ZNF366: variants seen among roughly 807,000 people sequenced by gnomAD.
ZNF366 encodes zinc finger protein 366.
A neutral mutation model predicts 47.2 loss-of-function variants in ZNF366; 20 were observed. The ratio of observed to expected loss-of-function variants is 0.42; its 90% confidence interval spans 0.30 to 0.62. ZNF366 has a LOEUF of 0.62. ZNF366 is among the 20% of genes least tolerant of loss of function. ZNF366 has a pLI of 0.16. For synonymous variants in ZNF366, 421 were observed against 395.1 expected, an observed-to-expected ratio of 1.07 and a Z score of -0.78; for missense variants, 987 against 976.3, an observed-to-expected ratio of 1.01 and a Z score of -0.15.
At chr5:72,487,113 T>C (rs1021169526) in intron 1 of ZNF366, among the ~76,000 whole-genome samples, 1 of 152,212 alleles carries the variant, frequency 6.6e-6, no homozygotes, top group Non-Finnish European at 1.5e-5. Flanking sequence ...ATTAGGTTCT[T>C]TCTGTCATGA....
At chr5:72,453,390 T>C (rs955822754) in intron 3 of ZNF366, among the ~76,000 whole-genome samples, 1 of 152,222 alleles carries the variant, frequency 6.6e-6, no homozygotes, top group Non-Finnish European at 1.5e-5. Context: ...TTCAGTTGCC[T>C]GGCTTGTACT....
intron 1 of ZNF366, among the ~76,000 whole-genome samples, chr5:72,487,459 C>A (rs1311583352): frequency 6.6e-6 from 1 of 152,170 alleles, no homozygotes; most frequent in Non-Finnish European, 1.5e-5. Flanking sequence ...TAATTTGATT[C>A]CAAGTCATTT....
chr5:72,442,713 T>C lies in ZNF366; in HGVS notation c.*1043A>G, dbSNP rs1426259432. 1 of 146,774 alleles carries C rather than the reference T, an allele frequency of 6.8e-6. No individual in the cohort carries two copies. Among genetic ancestry groups the C allele is most frequent in the African/African-American group, 2.5e-5 (1 of 39,432 alleles). 9.1% of individuals were successfully genotyped at this position (146,774 alleles called of 1,614,324 possible). On this transcript the variant is annotated 3_prime_UTR_variant, in exon 5 of 5. Transcript: ENST00000318442. ...CTCTGTCACCCAGGCTGTAGTGCAG[T>C]AGCGTGATCTCAGCTCAGCTCACTG... is the stretch of plus-strand genomic sequence containing the variant.
At chr5:72,459,828 C>T (rs1164623528) in intron 2 of ZNF366, among the ~76,000 whole-genome samples, 1 of 152,172 alleles carries the variant, frequency 6.6e-6, no homozygotes, top group East Asian at 1.9e-4. Context: ...CATGCTAGTG[C>T]CTTGGATGAA....
At chr5:72,449,734 T>C (rs1479041777) in intron 3 of ZNF366, among the ~76,000 whole-genome samples, 1 of 152,232 alleles carries the variant, frequency 6.6e-6, no homozygotes, top group Non-Finnish European at 1.5e-5. Flanking sequence ...CATTAAAGCT[T>C]TGCCTGCTTT....
At chr5:72,454,939 AG>A (rs1743148788) in intron 3 of ZNF366, among the ~76,000 whole-genome samples, 1 of 152,046 alleles carries the variant, frequency 6.6e-6, no homozygotes, top group Admixed American at 6.5e-5. Flanking sequence ...TCCCATAGTC[AG>A]AAAGCTCCTG....
chr5:72,488,217 A>C (rs977955300), intron 1 of ZNF366, among the ~76,000 whole-genome samples: 4 of 151,896 alleles, frequency 2.6e-5, no homozygotes, highest in South Asian at 2.1e-4. Flanking sequence ...TCTGAAAGAA[A>C]AAAAAAAAAA....
At chr5:72,458,261 C>A (rs951669809) in intron 2 of ZNF366, among the ~76,000 whole-genome samples, 3 of 152,068 alleles carry the variant, frequency 2.0e-5, no homozygotes, top group Non-Finnish European at 4.4e-5. Flanking sequence ...TGTGATCCGC[C>A]CGTCTCGGCC....
At chr5:72,447,122 C>G in intron 4 of ZNF366, 121 bp downstream of exon 4, 3 of 1,117,644 alleles carry the variant, frequency 2.7e-6, no homozygotes, top group South Asian at 1.6e-5. Flanking sequence ...TAAGGTTACT[C>G]TTGCTACTCT....
chr5:72,454,279 T>C (rs1743136579), intron 3 of ZNF366, among the ~76,000 whole-genome samples: 1 of 152,190 alleles, frequency 6.6e-6, no homozygotes, highest in African/African-American at 2.4e-5. Context: ...GCCCTGAACA[T>C]CAAGCTGGGA....
At chr5:72,478,939 T>A (rs1404735994) in intron 1 of ZNF366, among the ~76,000 whole-genome samples, 1 of 152,226 alleles carries the variant, frequency 6.6e-6, no homozygotes, top group Admixed American at 6.5e-5. Flanking sequence ...CTCACATAAA[T>A]GACTCTTATA....
At chr5:72,459,316 G>C (rs1743254352) in intron 2 of ZNF366, among the ~76,000 whole-genome samples, 1 of 152,324 alleles carries the variant, frequency 6.6e-6, no homozygotes, top group Non-Finnish European at 1.5e-5. Flanking sequence ...TTGAGGTTAA[G>C]GGTGTGAGAG....
rs150265678 is a variant in ZNF366 at position 72,485,258 on chromosome 5, A to G, written c.-15+21993T>C. On this transcript the variant is annotated intron_variant, in intron 1 of 4. Transcript: ENST00000318442. ...ATTCACTTAATGTCTGACTCTCTCC[A>G]TACTGTTTGCTCCATGAGGTCAGGG... Among the ~76,000 whole-genome samples, 487 of 152,304 alleles carry G rather than the reference A, an allele frequency of 3.2e-3. 3 individuals are homozygous for G. Among genetic ancestry groups the G allele is most frequent in the African/African-American group, 0.011 (472 of 41,556 alleles).
chr5:72,467,199 A>G (rs1419171918), intron 1 of ZNF366, among the ~76,000 whole-genome samples: 1 of 152,258 alleles, frequency 6.6e-6, no homozygotes, highest in Non-Finnish European at 1.5e-5. Context: ...GCTTTCTACA[A>G]TGCATCACCC....
chr5:72,441,222 C>A lies in ZNF366; in HGVS notation c.*2534G>T, dbSNP rs1317096481. On this transcript the variant is annotated 3_prime_UTR_variant, in exon 5 of 5. Transcript: ENST00000318442. Reference sequence around the variant, plus strand: ...CTAGAGCCTGTTACTCTAGAATTTCCTGGTTTCCATTCCAGCCAGGCATAC... The same window carrying A: ...CTAGAGCCTGTTACTCTAGAATTTCATGGTTTCCATTCCAGCCAGGCATAC... 1.3e-5 allele frequency: 2 copies of A among 152,300 alleles called. No homozygotes were observed. Among genetic ancestry groups the A allele is most frequent in the Non-Finnish European group, 1.5e-5 (1 of 68,032 alleles). 9.4% of individuals were successfully genotyped at this position (152,300 alleles called of 1,614,324 possible). A position where few individuals can be genotyped will look rare whatever the true frequency, so the allele number is the denominator to read the frequency against.
chr5:72,506,026 C>A (rs532303260), intron 1 of ZNF366, among the ~76,000 whole-genome samples: 1 of 152,256 alleles, frequency 6.6e-6, no homozygotes, highest in South Asian at 2.1e-4. Context: ...TTTTCTCATC[C>A]TTAGTAAGAT....
chr5:72,481,125 C>A (rs992678713), intron 1 of ZNF366, among the ~76,000 whole-genome samples: 1 of 152,156 alleles, frequency 6.6e-6, no homozygotes, highest in African/African-American at 2.4e-5. Flanking sequence ...AAAGCCCGTG[C>A]AGCCTCATGG....
chr5:72,444,380 T>C (rs1742920326), intron 4 of ZNF366, 89 bp from the exon 5 acceptor site: 1 of 1,356,148 alleles, frequency 7.4e-7, no homozygotes, highest in Middle Eastern at 2.7e-4. Context: ...GGCCGTTTAA[T>C]GTATTCCGAT....
chr5:72,482,057 G>A (rs139074466), intron 1 of ZNF366, among the ~76,000 whole-genome samples: 20 of 152,218 alleles, frequency 1.3e-4, no homozygotes, highest in African/African-American at 2.9e-4. Context: ...ATCCTGGTCC[G>A]TGTAAAGCTT....
Sources: gnomAD v4.1 joint callset for allele counts (sites outside exome capture counted in the v4.1 genomes callset) on GRCh38, gnomAD v4.1.1 for gene constraint, MANE v1.5 for transcripts, NCBI Gene and HGNC (gene_info 2026-07-23, HGNC 2026-07-21) for gene names.